The following ABCC5 variants were observed in gnomAD, a reference collection of about 807,000 sequenced individuals.
The protein encoded by ABCC5 is ATP binding cassette subfamily C member 5, also known as ATP-binding cassette sub-family C member 5.
ABCC5 carries 61 observed loss-of-function variants against 160.9 expected under a neutral mutation model. That is an observed-to-expected ratio of 0.38 (90% CI 0.31 to 0.47). The LOEUF (loss-of-function observed/expected upper bound fraction) is 0.47. ABCC5 is among the 20% of genes least tolerant of loss of function. The pLI, the probability that ABCC5 is intolerant of heterozygous loss-of-function variation, is 0.99. For synonymous variants in ABCC5, 666 were observed against 700.6 expected (o/e 0.95, Z 0.78); for missense variants, 1,308 against 1,813.3 (o/e 0.72, Z 5.06).
rs777031386 is a variant in ABCC5 at position 183,953,269 on chromosome 3, C to T, written c.2484G>A (p.Gly828=). 153 of 1,590,412 alleles carry T rather than the reference C, an allele frequency of 9.6e-5. No individual in the cohort carries two copies. Among genetic ancestry groups the T allele is most frequent in the Non-Finnish European group, 1.3e-4 (151 of 1,169,892 alleles). The change falls in exon 18 of 30, where the codon GGG becomes GGA. Residue 828 remains glycine, a splice_region_variant and synonymous_variant. Coordinates refer to ENST00000334444, the MANE Select transcript of ABCC5 (RefSeq NM_005688.4). ...CTTTCTCTTCCAGCTGCACAAGCTG[C>T]CCTAGGTAAGAAAAAAAGAAACATG... The part of the protein sequence containing the change: ...KKEKAVKPEE[G]QLVQLEEKGQ...
intron 17 of ABCC5, among the ~76,000 whole-genome samples, chr3:183,953,534 A>ATGTG (rs1715582535): frequency 6.6e-6 from 1 of 152,162 alleles, no homozygotes; most frequent in African/African-American, 2.4e-5. Flanking sequence ...AGCCTGCCAC[A>ATGTG]GACTGGTAGG....
chr3:183,926,873 C>A (rs1239551011), intron 28 of ABCC5, among the ~76,000 whole-genome samples: 1 of 151,608 alleles, frequency 6.6e-6, no homozygotes, highest in Admixed American at 6.6e-5. Flanking sequence ...GGTGAAACCC[C>A]ATCTCTACTA....
chr3:184,001,887 G>A (rs1720772700), intron 2 of ABCC5, among the ~76,000 whole-genome samples: 3 of 152,128 alleles, frequency 2.0e-5, no homozygotes, highest in Admixed American at 1.3e-4. Context: ...GTGGCCAGAC[G>A]ACCCAGCCAC....
chr3:183,957,007 T>G, intron 17 of ABCC5, among the ~76,000 whole-genome samples: 1 of 149,512 alleles, frequency 6.7e-6, no homozygotes. Context: ...ATCGGTTACA[T>G]GCGGATCCGT....
intron 2 of ABCC5, among the ~76,000 whole-genome samples, chr3:184,003,546 C>T (rs1431313011): frequency 6.6e-6 from 1 of 152,198 alleles, no homozygotes; most frequent in Non-Finnish European, 1.5e-5. Flanking sequence ...GTCAGGGAAG[C>T]TGCTAAACTC....
intron 11 of ABCC5, among the ~76,000 whole-genome samples, chr3:183,971,243 A>T (rs1458249412): frequency 6.6e-6 from 1 of 152,262 alleles, no homozygotes; most frequent in African/African-American, 2.4e-5. Flanking sequence ...ACAGACTTGT[A>T]ACAATCAGAA....
intron 12 of ABCC5, 68 bp downstream of exon 12, chr3:183,967,627 G>A (rs1717346342): frequency 4.3e-6 from 6 of 1,384,262 alleles, no homozygotes; most frequent in Non-Finnish European, 6.2e-6. Context: ...CAGGAAATTT[G>A]TTCGTTTTTC....
intron 2 of ABCC5, among the ~76,000 whole-genome samples, chr3:183,990,382 G>A (rs1719647409): frequency 6.6e-6 from 1 of 152,174 alleles, no homozygotes; most frequent in African/African-American, 2.4e-5. Flanking sequence ...TGGGATTATA[G>A]GTGTGAGCTG....
chr3:183,959,888 T>C lies in ABCC5; in HGVS notation c.2380-53A>G. 6 of 1,274,348 alleles carry C rather than the reference T, an allele frequency of 4.7e-6. No individual in the cohort carries two copies. In the South Asian group the frequency reaches 5.2e-5, roughly 11 times the overall value. 78.9% of individuals were successfully genotyped at this position (1,274,348 alleles called of 1,614,324 possible). Reference sequence around the variant, plus strand: ...CAGTCATGTTAGCCATCCAGATGAATGTCCACAGGATACATATTAGGGAAT... The same window carrying C: ...CAGTCATGTTAGCCATCCAGATGAACGTCCACAGGATACATATTAGGGAAT... On this transcript the variant is annotated intron_variant, in intron 16 of 29. Transcript: ENST00000334444.
intron 2 of ABCC5, among the ~76,000 whole-genome samples, chr3:183,995,894 G>A (rs1720238412): frequency 6.6e-6 from 1 of 151,864 alleles, no homozygotes; most frequent in Non-Finnish European, 1.5e-5. Flanking sequence ...TGCAAGCTCC[G>A]CCTCCCGGGT....
At chr3:183,991,002 A>T (rs1719713418) in intron 2 of ABCC5, among the ~76,000 whole-genome samples, 1 of 152,182 alleles carries the variant, frequency 6.6e-6, no homozygotes, top group East Asian at 1.9e-4. Flanking sequence ...AATTATTGTG[A>T]AACAGTAAAA....
At chr3:184,009,500 C>A (rs1314418047) in intron 2 of ABCC5, among the ~76,000 whole-genome samples, 3 of 152,112 alleles carry the variant, frequency 2.0e-5, no homozygotes, top group Non-Finnish European at 2.9e-5. Flanking sequence ...CATTTTATAC[C>A]ATTTATACAA....
At position 183,988,021 on chromosome 3, in the gene ABCC5, C is replaced by T. The variant is rs980506196; in HGVS notation, c.444-104G>A. 8 of 1,271,092 alleles carry T rather than the reference C, an allele frequency of 6.3e-6. No individual in the cohort carries two copies. The Admixed American group carries it at 9.3e-5, about 15-fold the overall frequency. The allele number at this position is 1,271,092 out of a possible 1,614,324, so 78.7% of individuals were successfully genotyped here. ...TGTCTCCAGGTTTTGCCACCACTCA[C>T]ACAAGTCTCTCCTTTAAAATTATGT... On this transcript the variant is annotated intron_variant, in intron 4 of 29. Coordinates refer to ENST00000334444, the MANE Select transcript of ABCC5 (RefSeq NM_005688.4). This position sits in a 1 kb window ranked among gnomAD's most constrained non-coding sequence, Gnocchi z 4.4.
intron 29 of ABCC5, 150 bp downstream of exon 29, chr3:183,925,405 C>T: frequency 1.5e-6 from 1 of 683,948 alleles, no homozygotes; most frequent in Non-Finnish European, 2.3e-6. Context: ...GATTCGGAGG[C>T]TGTATCCCTC....
At chr3:183,947,600 A>G in intron 22 of ABCC5, 90 bp from the exon 23 acceptor site, 1 of 1,048,892 alleles carries the variant, frequency 9.5e-7, no homozygotes, top group Non-Finnish European at 1.3e-6. Flanking sequence ...GATGGAGGGC[A>G]CGTATTTAAA....
chr3:183,980,804 T>C (rs6791345), intron 8 of ABCC5, among the ~76,000 whole-genome samples: 92,503 of 151,144 alleles, frequency 0.61, 28,942 homozygotes, highest in East Asian at 0.85. Flanking sequence ...CCTCCGCCTC[T>C]TGGGTTCAAG....
At position 183,988,750 on chromosome 3, in the gene ABCC5, A is replaced by G; in HGVS notation, c.288-23T>C. ...TGTCTAAGGAGAGAAAACCGAAATC[A>G]CAAAGCTATCAACACGCACGGAGAG... On this transcript the variant is annotated intron_variant, in intron 3 of 29. Coordinates refer to ENST00000334444, the MANE Select transcript of ABCC5 (RefSeq NM_005688.4). The surrounding 1 kb of genome is among the most constrained non-coding windows in gnomAD (Gnocchi z 4.4). 6.2e-7 allele frequency: 1 copy of G among 1,610,454 alleles called. No homozygotes were observed.
chr3:183,984,107 C>T, intron 5 of ABCC5: 10 of 985,280 alleles, frequency 1.0e-5, no homozygotes, highest in Non-Finnish European at 1.2e-5. Context: ...AAAAACAAAA[C>T]AAAACGAAAA....
chr3:183,969,525 C>T (rs544305118), intron 11 of ABCC5, among the ~76,000 whole-genome samples: 5 of 152,072 alleles, frequency 3.3e-5, no homozygotes, highest in African/African-American at 9.7e-5. Flanking sequence ...AACCCCGTCT[C>T]TACTAAAAAT....
Sources: gnomAD v4.1 joint callset for allele counts (sites outside exome capture counted in the v4.1 genomes callset) on GRCh38, gnomAD v4.1.1 for gene constraint, Gnocchi (gnomAD v3.1) non-coding constraint, MANE v1.5 for transcripts, NCBI Gene and HGNC (gene_info 2026-07-23, HGNC 2026-07-21) for gene names.